FAM237A: variants seen among roughly 807,000 people sequenced by gnomAD.
The protein encoded by FAM237A is family with sequence similarity 237 member A, also known as protein FAM237A.
In FAM237A, 14 loss-of-function variants were observed where a neutral mutation model predicts 12.5. That is an observed-to-expected ratio of 1.12 (90% CI 0.74 to 1.75). FAM237A has a LOEUF of 1.75. Among genes scored for constraint, FAM237A ranks in the 40% most tolerant of loss-of-function variants. The pLI is 0.00. For synonymous variants in FAM237A, 85 were observed against 77.5 expected (o/e 1.10, Z -0.51); for missense variants, 240 against 211.7 (o/e 1.13, Z -0.83).
In FAM237A at chr2:206,648,432, A is replaced by G. The variant is rs954492069; in HGVS notation, c.413-229A>G. Among the ~76,000 whole-genome samples, 8 of 152,300 alleles carry G rather than the reference A, an allele frequency of 5.3e-5. No homozygotes were observed. The South Asian group carries it at 1.4e-3, about 28-fold the overall frequency. On this transcript the variant is annotated intron_variant, in intron 2 of 2. Transcript: ENST00000441223. ...TTTTAATGCCTATTAATTGACAAAA[A>G]TGTACTTATTATAATGTATTTGTTT... is the stretch of plus-strand genomic sequence containing the variant.
At chr2:206,647,595 T>C (rs3845808) in intron 2 of FAM237A, among the ~76,000 whole-genome samples, 98,751 of 150,492 alleles carry the variant, frequency 0.66, 32,370 homozygotes, top group African/African-American at 0.69. Context: ...TGGGTTATGT[T>C]AAGGGAGAAA....
intron 2 of FAM237A, among the ~76,000 whole-genome samples, chr2:206,645,410 G>T (rs1453638161): frequency 1.3e-5 from 2 of 152,166 alleles, no homozygotes; most frequent in African/African-American, 4.8e-5. Flanking sequence ...AGAGATGCCT[G>T]AACCCTATAC....
chr2:206,647,840 C>A (rs548906500), intron 2 of FAM237A, among the ~76,000 whole-genome samples: 21 of 152,248 alleles, frequency 1.4e-4, no homozygotes, highest in African/African-American at 3.6e-4. Context: ...CTTGCTCTGC[C>A]ACTGGGAGGG....
chr2:206,644,619 C>T lies in FAM237A; in HGVS notation c.383C>T (p.Ala128Val), dbSNP rs138933434. The change falls in exon 2 of 3, where the codon GCG becomes GTG. Residue 128 changes from alanine (A) to valine (V), a missense_variant. Coordinates refer to ENST00000441223, the MANE Select transcript of FAM237A (RefSeq NM_001102659.3). ...GGAGAGGAAGAGAAAATCTCAGCAG[C>T]GCAGCCACAGCACACAAGGAGTAAA... ...LVGEEEKISA[A>V]QPQHTRSKQG... is the part of the protein sequence containing the mutation. 1.4e-5 allele frequency: 22 copies of T among 1,597,874 alleles called. No individual in the cohort carries two copies. Among genetic ancestry groups the T allele is most frequent in the Middle Eastern group, 1.7e-4 (1 of 5,972 alleles).
At chr2:206,646,260 A>G (rs192364517) in intron 2 of FAM237A, among the ~76,000 whole-genome samples, 84 of 150,600 alleles carry the variant, frequency 5.6e-4, no homozygotes, top group African/African-American at 1.9e-3. Context: ...CCGAGATCGC[A>G]CCACTGCACT....
chr2:206,646,890 G>A (rs1193067742), intron 2 of FAM237A, among the ~76,000 whole-genome samples: 3 of 152,180 alleles, frequency 2.0e-5, no homozygotes, highest in Non-Finnish European at 2.9e-5. Flanking sequence ...GGGAGTGAAG[G>A]TGAAGCAGTG....
rs559605132 is a variant in FAM237A, at chr2:206,642,994, G to A, written c.-11+412G>A. On this transcript the variant is annotated intron_variant, in intron 1 of 2. Coordinates refer to ENST00000441223, the MANE Select transcript of FAM237A (RefSeq NM_001102659.3). The surrounding 1 kb of genome is among the most constrained non-coding windows in gnomAD (Gnocchi z 5.1). The stretch of plus-strand genomic sequence containing the variant: ...TAATGCATACATGATATGAAAGATA[G>A]AGGAAATAGTTTTTGAATAATCTTG... 6.6e-6 allele frequency among the ~76,000 whole-genome samples: 1 copy of A among 152,186 alleles called. No homozygotes were observed. Among genetic ancestry groups the A allele is most frequent in the African/African-American group, 2.4e-5 (1 of 41,458 alleles).
chr2:206,645,287 TAG>T, intron 2 of FAM237A, among the ~76,000 whole-genome samples: 1 of 152,328 alleles, frequency 6.6e-6, no homozygotes, highest in South Asian at 2.1e-4. Flanking sequence ...GCTACAAATT[TAG>T]AGTTTTTCAT....
In FAM237A at chr2:206,642,930, T is replaced by C. The variant is rs912655665; in HGVS notation, c.-11+348T>C. Among the ~76,000 whole-genome samples the C allele has an allele frequency of 8.5e-5, 13 of 152,162 alleles. No individual in the cohort carries two copies. Among genetic ancestry groups the C allele is most frequent in the Non-Finnish European group, 1.5e-4 (10 of 68,032 alleles). On this transcript the variant is annotated intron_variant, in intron 1 of 2. Coordinates refer to ENST00000441223, the MANE Select transcript of FAM237A (RefSeq NM_001102659.3). The surrounding 1 kb of genome is among the most constrained non-coding windows in gnomAD (Gnocchi z 5.1). The stretch of plus-strand genomic sequence containing the variant: ...CCTTTGAGGTACCTCGATATTTTAG[T>C]TCGGAAAGGGACACAACAAATATGA...
At chr2:206,647,733 G>A (rs1376344935) in intron 2 of FAM237A, among the ~76,000 whole-genome samples, 2 of 151,206 alleles carry the variant, frequency 1.3e-5, no homozygotes, top group African/African-American at 4.9e-5. Flanking sequence ...AGAATTGAGA[G>A]TAACTCATGG....
At position 206,645,434 on chromosome 2, in the gene FAM237A, C is replaced by CT. The variant is rs1377646490; in HGVS notation, c.412+793dup. On this transcript the variant is annotated intron_variant, in intron 2 of 2. Transcript: ENST00000441223. ...TGAACCCTATACATATTATTGTTAT[C>CT]TTTTTTTGATGTCATTTCAACCAAT... Among the ~76,000 whole-genome samples the CT allele has an allele frequency of 5.3e-5, 8 of 152,060 alleles. No individual in the cohort carries two copies. In the South Asian group the frequency reaches 8.3e-4, roughly 16 times the overall value.
At chr2:206,647,386 G>A (rs1699329963) in intron 2 of FAM237A, among the ~76,000 whole-genome samples, 1 of 152,140 alleles carries the variant, frequency 6.6e-6, no homozygotes, top group Admixed American at 6.5e-5. Context: ...TGGACACCAT[G>A]GCTGTTTGTA....
Position 206,644,600 on chromosome 2 carries a change from G to A in FAM237A, c.364G>A (p.Glu122Lys). ...GLGRRQLVGE[E>K]EKISAAQPQH... ...AGGAAGGAGGCAATTGGTTGGAGAGGAAGAGAAAATCTCAGCAGCGCAGCC... is the reference window on the plus strand; with the variant it reads ...AGGAAGGAGGCAATTGGTTGGAGAGAAAGAGAAAATCTCAGCAGCGCAGCC... The change falls in exon 2 of 3, where the codon GAA becomes AAA. Residue 122 changes from glutamate to lysine, a missense_variant. By Grantham distance (56) the Glu-to-Lys change is moderately conservative. Coordinates refer to ENST00000441223, the MANE Select transcript of FAM237A (RefSeq NM_001102659.3). 1 of 1,607,510 alleles carries A rather than the reference G, an allele frequency of 6.2e-7. No individual in the cohort carries two copies. Among genetic ancestry groups the A allele is most frequent in the Non-Finnish European group, 8.5e-7 (1 of 1,177,596 alleles).
chr2:206,648,251 T>C (rs1457759241), intron 2 of FAM237A, among the ~76,000 whole-genome samples: 2 of 152,194 alleles, frequency 1.3e-5, no homozygotes, highest in East Asian at 1.9e-4. Flanking sequence ...TGTCCCACGA[T>C]AGGGTAGTGG....
chr2:206,642,704 C>T lies in FAM237A; in HGVS notation c.-11+122C>T, dbSNP rs1393930393. 6.6e-6 allele frequency: 1 copy of T among 152,378 alleles called. No individual in the cohort carries two copies. The highest frequency in any genetic ancestry group is 1.5e-5 in the Non-Finnish European group (1 of 68,172). 9.4% of individuals were successfully genotyped at this position (152,378 alleles called of 1,614,324 possible). A position where few individuals can be genotyped will look rare whatever the true frequency, so the allele number is the denominator to read the frequency against. ...GGCTCGTAGCGGGGTGCACGGAGGACTCTAGGTTCAAGGAACTCAGAGAAA... is the reference window on the plus strand; with the variant it reads ...GGCTCGTAGCGGGGTGCACGGAGGATTCTAGGTTCAAGGAACTCAGAGAAA... On this transcript the variant is annotated intron_variant, in intron 1 of 2. Transcript: ENST00000441223. The surrounding 1 kb of genome is among the most constrained non-coding windows in gnomAD (Gnocchi z 5.1).
rs1306115843 is a variant in FAM237A, at chr2:206,649,113, A to G, written c.*319A>G. On this transcript the variant is annotated 3_prime_UTR_variant, in exon 3 of 3. Transcript: ENST00000441223. ...ATTTTGGGATGCTTGACATGTTAAT[A>G]AACTAGTGTGCCATACATTTAACTT... is the stretch of plus-strand genomic sequence containing the variant. 6.2e-6 allele frequency: 1 copy of G among 160,754 alleles called. No individual in the cohort carries two copies. The highest frequency in any genetic ancestry group is 1.3e-5 in the Non-Finnish European group (1 of 74,364). 10.0% of individuals were successfully genotyped at this position (160,754 alleles called of 1,614,324 possible).
intron 2 of FAM237A, among the ~76,000 whole-genome samples, chr2:206,648,201 A>ATATT (rs1261946341): frequency 3.9e-5 from 6 of 152,218 alleles, no homozygotes; most frequent in Non-Finnish European, 8.8e-5. Flanking sequence ...ATTCATTGCA[A>ATATT]TATTATGTAT....
rs1392688259 is a variant in FAM237A, at chr2:206,648,732, C to T, written c.484C>T (p.His162Tyr). The T allele has an allele frequency of 6.3e-7, 1 of 1,575,834 alleles. No homozygotes were observed. The highest frequency in any genetic ancestry group is 8.6e-7 in the Non-Finnish European group (1 of 1,158,882). ...KELIEDLISM[H>Y]VRRSGSSVIG... ...GTTGATTGAAGATTTGATAAGCATG[C>T]ATGTGCGTAGGAGTGGGTCTAGTGT... The change falls in exon 3 of 3, where the codon CAT becomes TAT. Residue 162 changes from histidine to tyrosine, a missense_variant. His to Tyr is a moderately conservative substitution (Grantham distance 83). Coordinates refer to ENST00000441223, the MANE Select transcript of FAM237A (RefSeq NM_001102659.3).
chr2:206,647,039 A>G (rs1699325768), intron 2 of FAM237A, among the ~76,000 whole-genome samples: 1 of 152,362 alleles, frequency 6.6e-6, no homozygotes, highest in East Asian at 1.9e-4. Flanking sequence ...CAGTTGATAA[A>G]TCTTACTATG....
Sources: allele counts gnomAD v4.1 joint callset (sites outside exome capture counted in the v4.1 genomes callset), GRCh38; gene constraint gnomAD v4.1.1; non-coding constraint Gnocchi (gnomAD v3.1); transcripts MANE v1.5; gene names NCBI Gene and HGNC (gene_info 2026-07-23, HGNC 2026-07-21).